LANCL2: variants seen among roughly 807,000 people sequenced by gnomAD.
LANCL2 encodes LanC like glutathione S-transferase 2, also known as lanC-like protein 2.
LANCL2 carries 33 observed loss-of-function variants against 56.9 expected under a neutral mutation model. The ratio of observed to expected loss-of-function variants is 0.58; its 90% CI spans 0.44 to 0.78. The LOEUF is 0.78. LANCL2 is among the 30% of genes least tolerant of loss of function. The probability of loss-of-function intolerance (pLI) is 0.00; values close to 1 mark genes in which losing one functional copy is unlikely to be tolerated. For missense variants in LANCL2, 562 were observed against 580.2 expected (o/e 0.97, Z 0.32); for synonymous variants, 233 against 228.2 (o/e 1.02, Z -0.19).
intron 1 of LANCL2, among the ~76,000 whole-genome samples, chr7:55,368,849 T>C (rs1789905180): frequency 1.3e-5 from 2 of 152,184 alleles, no homozygotes; most frequent in South Asian, 4.1e-4. Flanking sequence ...GGTGTTCTTA[T>C]ATGAAGAAAA....
chr7:55,366,554 C>T (rs1228192456), intron 1 of LANCL2, among the ~76,000 whole-genome samples: 3 of 152,136 alleles, frequency 2.0e-5, no homozygotes, highest in Non-Finnish European at 2.9e-5. Flanking sequence ...CACCTCCCGC[C>T]CCTGCGCGGC....
At chr7:55,423,834 A>G (rs1790634033) in intron 6 of LANCL2, among the ~76,000 whole-genome samples, 1 of 152,208 alleles carries the variant, frequency 6.6e-6, no homozygotes, top group Non-Finnish European at 1.5e-5. Context: ...CAGAGCCCAC[A>G]TCTTAGCAGC....
intron 6 of LANCL2, among the ~76,000 whole-genome samples, chr7:55,414,861 G>C (rs1476226145): frequency 3.3e-5 from 5 of 151,410 alleles, no homozygotes. Flanking sequence ...GCACGCACCT[G>C]TAGTCCCAGG....
At chr7:55,373,335 G>C (rs1265230109) in intron 1 of LANCL2, among the ~76,000 whole-genome samples, 1 of 151,520 alleles carries the variant, frequency 6.6e-6, no homozygotes, top group African/African-American at 2.4e-5. Flanking sequence ...CTGTTTCCCA[G>C]ACTGGACCAC....
intron 1 of LANCL2, 78 bp from the exon 2 acceptor site, chr7:55,391,715 A>G (rs775047704): frequency 3.8e-6 from 3 of 788,434 alleles, no homozygotes; most frequent in Non-Finnish European, 6.6e-6. Context: ...ATGTTTGTAC[A>G]ACTTAGACTT....
At chr7:55,428,495 T>C in intron 8 of LANCL2, 48 bp downstream of exon 8, 1 of 1,492,274 alleles carries the variant, frequency 6.7e-7, no homozygotes, top group Non-Finnish European at 9.4e-7. Flanking sequence ...GTGAAATTGG[T>C]TCTCCTGCCC....
chr7:55,421,327 T>C (rs571817237), intron 6 of LANCL2, among the ~76,000 whole-genome samples: 1 of 148,552 alleles, frequency 6.7e-6, no homozygotes, highest in African/African-American at 2.5e-5. Flanking sequence ...GATTCTCTTT[T>C]TTCTGTTGAC....
chr7:55,395,196 A>G lies in LANCL2; in HGVS notation c.323-3227A>G, dbSNP rs1241229100. ...TTAATAGTTGATATAGAAAAATTCA[A>G]TTTTAAGAAAAAATATAATTATTTT... On this transcript the variant is annotated intron_variant, in intron 2 of 8. Transcript: ENST00000254770. Among the ~76,000 whole-genome samples, 3 of 152,236 alleles carry G rather than the reference A, an allele frequency of 2.0e-5. No homozygotes were observed. The East Asian group carries it at 5.8e-4, about 29-fold the overall frequency.
chr7:55,380,656 G>T (rs1464287129), intron 1 of LANCL2, among the ~76,000 whole-genome samples: 1 of 151,976 alleles, frequency 6.6e-6, no homozygotes, highest in Non-Finnish European at 1.5e-5. Flanking sequence ...GTTCTATAGA[G>T]TGCGTTACAG....
intron 8 of LANCL2, among the ~76,000 whole-genome samples, chr7:55,430,375 G>A (rs774356523): frequency 4.6e-5 from 7 of 152,184 alleles, no homozygotes; most frequent in Non-Finnish European, 8.8e-5. Flanking sequence ...TACAAGGGCT[G>A]TACACTGTGG....
chr7:55,366,352 C>T (rs896800563), intron 1 of LANCL2, 123 bp downstream of exon 1: 42 of 796,056 alleles, frequency 5.3e-5, no homozygotes, highest in South Asian at 2.1e-5. Context: ...GATGATAGCG[C>T]CTAGCACCTG....
chr7:55,371,264 G>C (rs1316667146), intron 1 of LANCL2, among the ~76,000 whole-genome samples: 1 of 152,046 alleles, frequency 6.6e-6, no homozygotes, highest in East Asian at 1.9e-4. Flanking sequence ...TTCGAGACAG[G>C]GTCTCACTCT....
rs371096573 is a variant in LANCL2, at chr7:55,411,986, G to T, written c.905G>T (p.Arg302Leu). Reference protein sequence around the residue: ...SIDYVRHKKFRSGNYPSSLSN... With the variant: ...SIDYVRHKKFLSGNYPSSLSN... The stretch of plus-strand genomic sequence containing the variant: ...GATTATGTGCGCCACAAAAAATTCC[G>T]ATCTGGGAATTACCCATCATCATTA... Residue 302 changes from arginine (R) to leucine (L), a missense_variant, in exon 6 of 9, where the codon CGA becomes CTA. Around this residue, in one of 2 missense-constraint regions of LANCL2, gnomAD observed 378 missense variants for 468.4 expected, o/e 0.81. Coordinates refer to ENST00000254770, the MANE Select transcript of LANCL2 (RefSeq NM_018697.4). 3 of 1,614,184 alleles carry T rather than the reference G, an allele frequency of 1.9e-6. No homozygotes were observed. Among genetic ancestry groups the T allele is most frequent in the Non-Finnish European group, 2.5e-6 (3 of 1,180,016 alleles).
chr7:55,412,055 C>G lies in LANCL2; in HGVS notation c.974C>G (p.Pro325Arg). ...DRLVHWCHGA[P>R]GVIHMLMQAY... ...CTGGTGCACTGGTGCCACGGCGCCC[C>G]GGGGGTCATCCACATGCTCATGCAG... is the stretch of plus-strand genomic sequence containing the variant. Residue 325 changes from proline to arginine, a missense_variant, in exon 6 of 9, where the codon CCG becomes CGG. Coordinates refer to ENST00000254770, the MANE Select transcript of LANCL2 (RefSeq NM_018697.4). The G allele has an allele frequency of 6.2e-7, 1 of 1,614,150 alleles. No individual in the cohort carries two copies. The highest frequency in any genetic ancestry group is 8.5e-7 in the Non-Finnish European group (1 of 1,180,018).
chr7:55,381,198 T>C (rs189639397), intron 1 of LANCL2, among the ~76,000 whole-genome samples: 2 of 152,312 alleles, frequency 1.3e-5, no homozygotes. Flanking sequence ...TAGGGTATGT[T>C]ATAGTGCATT....
rs968325694 is a variant in LANCL2, at chr7:55,432,516, T to C, written c.*1196T>C. ...ATTTCAGTTTTTAGAAGGGTTTCTG[T>C]CATCATGGAAGAGGTGGTCTGGGAC... On this transcript the variant is annotated 3_prime_UTR_variant, in exon 9 of 9. Coordinates refer to ENST00000254770, the MANE Select transcript of LANCL2 (RefSeq NM_018697.4). The C allele has an allele frequency of 1.3e-5, 2 of 152,206 alleles. No homozygotes were observed. Among genetic ancestry groups the C allele is most frequent in the African/African-American group, 4.8e-5 (2 of 41,452 alleles). 9.4% of individuals were successfully genotyped at this position (152,206 alleles called of 1,614,324 possible). A position where few individuals can be genotyped will look rare whatever the true frequency, so the allele number is the denominator to read the frequency against.
Position 55,431,482 on chromosome 7 carries a change from T to A in LANCL2, c.*162T>A, listed in dbSNP as rs1167187321. 2 of 553,406 alleles carry A rather than the reference T, an allele frequency of 3.6e-6. No individual in the cohort carries two copies. The highest frequency in any genetic ancestry group is 6.4e-6 in the Non-Finnish European group (2 of 314,308). 34.3% of individuals were successfully genotyped at this position (553,406 alleles called of 1,614,324 possible). On this transcript the variant is annotated 3_prime_UTR_variant, in exon 9 of 9. Coordinates refer to ENST00000254770, the MANE Select transcript of LANCL2 (RefSeq NM_018697.4). Reference sequence around the variant, plus strand: ...GTGACCGAAGCCATCCATCAACATTTTCTAACAGCACCCTCATCAATATAA... The same window carrying A: ...GTGACCGAAGCCATCCATCAACATTATCTAACAGCACCCTCATCAATATAA...
chr7:55,428,439 T>A lies in LANCL2; in HGVS notation c.1250T>A (p.Leu417His). Residue 417 changes from leucine (L) to histidine (H), a missense_variant, in exon 8 of 9, where the codon CTC becomes CAC. By Grantham distance (99) the Leu-to-His change is moderately conservative. This residue lies in a region of LANCL2 where 378 missense variants were observed against 468.4 expected (regional missense o/e 0.81). Transcript: ENST00000254770. ...CGCATTCCTGACAGACCCTATTCGC[T>A]CTTTGAAGGTAAGAGTGAGAAAAAT... is the stretch of plus-strand genomic sequence containing the variant. ...GCRIPDRPYS[L>H]FEGMAGAIHF... is the part of the protein sequence containing the mutation. 1 of 1,613,918 alleles carries A rather than the reference T, an allele frequency of 6.2e-7. No individual in the cohort carries two copies. The highest frequency in any genetic ancestry group is 8.5e-7 in the Non-Finnish European group (1 of 1,179,782).
intron 7 of LANCL2, among the ~76,000 whole-genome samples, chr7:55,427,639 A>G (rs1487068914): frequency 6.6e-6 from 1 of 152,190 alleles, no homozygotes; most frequent in Non-Finnish European, 1.5e-5. Flanking sequence ...CAAACAAGCT[A>G]AGAGTGAGCA....
Sources: gnomAD v4.1 joint callset for allele counts (sites outside exome capture counted in the v4.1 genomes callset) on GRCh38, gnomAD v4.1.1 for gene constraint, gnomAD v4.1.1 regional missense constraint, MANE v1.5 for transcripts, NCBI Gene and HGNC (gene_info 2026-07-23, HGNC 2026-07-21) for gene names.